AATF: variants seen among roughly 807,000 people sequenced by gnomAD.
The protein encoded by AATF is apoptosis antagonizing transcription factor.
AATF carries 48 observed loss-of-function variants against 63.7 expected under a neutral mutation model. The observed-to-expected ratio is 0.75, with a 90% CI of 0.60 to 0.96. AATF has a LOEUF of 0.96. Ranked by LOEUF, AATF falls within the 40% of genes least tolerant of loss-of-function variation. AATF has a pLI of 0.00. For synonymous variants in AATF, 258 were observed against 247.7 expected, an observed-to-expected ratio of 1.04 and a Z score of -0.39; for missense variants, 639 against 685.7, an observed-to-expected ratio of 0.93 and a Z score of 0.76.
chr17:36,994,135 G>A (rs2071236691), intron 8 of AATF, among the ~76,000 whole-genome samples: 1 of 152,118 alleles, frequency 6.6e-6, no homozygotes, highest in African/African-American at 2.4e-5. Flanking sequence ...GACACCCTGA[G>A]AAGTTAAGTA....
chr17:37,027,693 T>C (rs969511371), intron 10 of AATF, among the ~76,000 whole-genome samples: 50 of 152,228 alleles, frequency 3.3e-4, no homozygotes, highest in Non-Finnish European at 5.6e-4. Flanking sequence ...TTAAGAATTA[T>C]TAGTGATATG....
At chr17:37,017,621 C>T (rs528992261) in intron 8 of AATF, among the ~76,000 whole-genome samples, 1 of 152,276 alleles carries the variant, frequency 6.6e-6, no homozygotes, top group East Asian at 1.9e-4. Flanking sequence ...TTGCTGTTTT[C>T]TAGTGATAAT....
chr17:37,005,254 C>T (rs1439980452), intron 8 of AATF, among the ~76,000 whole-genome samples: 2 of 152,040 alleles, frequency 1.3e-5, no homozygotes, highest in Non-Finnish European at 2.9e-5. Context: ...TGGGTCTGTA[C>T]GACAAAAGGA....
chr17:37,040,352 G>C (rs2071627117), intron 11 of AATF, among the ~76,000 whole-genome samples: 1 of 152,006 alleles, frequency 6.6e-6, no homozygotes, highest in Non-Finnish European at 1.5e-5. Flanking sequence ...TCTGTCCCCT[G>C]TGTCTGATGG....
intron 4 of AATF, among the ~76,000 whole-genome samples, chr17:36,971,451 C>T (rs1294558599): frequency 6.6e-6 from 1 of 152,190 alleles, no homozygotes; most frequent in African/African-American, 2.4e-5. Flanking sequence ...GCAACTGGAG[C>T]TTTCATACAT....
At chr17:36,981,421 G>A (rs1452434346) in intron 4 of AATF, among the ~76,000 whole-genome samples, 1 of 151,352 alleles carries the variant, frequency 6.6e-6, no homozygotes, top group African/African-American at 2.4e-5. Flanking sequence ...CAGACACTTT[G>A]CTCTTCTTGT....
At chr17:36,954,128 C>T (rs993365861) in intron 4 of AATF, among the ~76,000 whole-genome samples, 2 of 141,566 alleles carry the variant, frequency 1.4e-5, no homozygotes, top group African/African-American at 5.4e-5. Context: ...AGTACAGTGG[C>T]GCGATCACAG....
intron 11 of AATF, among the ~76,000 whole-genome samples, chr17:37,049,078 ATT>A (rs773199650): frequency 1.6e-4 from 24 of 152,234 alleles, no homozygotes; most frequent in Middle Eastern, 3.4e-3. Context: ...TAAGGAAGAT[ATT>A]GTCACCATCT....
chr17:37,042,733 CTTTCTTTTTT>C (rs1055820995), intron 11 of AATF, among the ~76,000 whole-genome samples: 3 of 137,334 alleles, frequency 2.2e-5, no homozygotes, highest in African/African-American at 8.4e-5. Context: ...TTAATTTTTT[CTTTCTTTTTT>C]TTTTTTTTTT....
chr17:37,046,730 A>AACACACACACACACACACACACAC (rs58296683), intron 11 of AATF, among the ~76,000 whole-genome samples: 1 of 139,970 alleles, frequency 7.1e-6, no homozygotes, highest in African/African-American at 2.7e-5. Flanking sequence ...GTGCTCCCCC[A>AACACACACACACACACACACACAC]ACACACACAC....
At chr17:36,985,828 C>T (rs1056265240) in intron 4 of AATF, among the ~76,000 whole-genome samples, 9 of 152,096 alleles carry the variant, frequency 5.9e-5, no homozygotes, top group Non-Finnish European at 8.8e-5. Flanking sequence ...GGATTACAGG[C>T]GTGAGCCACA....
At chr17:37,017,253 G>C (rs1388862378) in intron 8 of AATF, among the ~76,000 whole-genome samples, 1 of 152,188 alleles carries the variant, frequency 6.6e-6, no homozygotes, top group Non-Finnish European at 1.5e-5. Context: ...TGGCTGGAAC[G>C]AGGTAAGGGC....
At chr17:37,026,395 T>C (rs756797633) in intron 10 of AATF, among the ~76,000 whole-genome samples, 1 of 152,180 alleles carries the variant, frequency 6.6e-6, no homozygotes, top group Non-Finnish European at 1.5e-5. Context: ...AATCAGAGAG[T>C]AGTCTTTACT....
At chr17:36,996,367 G>A (rs1050011758) in intron 8 of AATF, among the ~76,000 whole-genome samples, 3 of 152,200 alleles carry the variant, frequency 2.0e-5, no homozygotes, top group Non-Finnish European at 2.9e-5. Context: ...CCAGGAGGTC[G>A]AAGCTACGGT....
chr17:37,050,267 CACTT>C (rs1306375418), intron 11 of AATF, among the ~76,000 whole-genome samples: 10 of 152,208 alleles, frequency 6.6e-5, no homozygotes, highest in African/African-American at 2.2e-4. Context: ...GTCTGAGACA[CACTT>C]ACTGCATGTA....
At chr17:37,021,371 G>A (rs1486066380) in intron 10 of AATF, among the ~76,000 whole-genome samples, 1 of 152,176 alleles carries the variant, frequency 6.6e-6, no homozygotes, top group East Asian at 1.9e-4. Flanking sequence ...GCTCACGCCT[G>A]TACTCCCAGT....
At chr17:37,032,984 A>C (rs2071563326) in intron 11 of AATF, among the ~76,000 whole-genome samples, 1 of 152,206 alleles carries the variant, frequency 6.6e-6, no homozygotes, top group Non-Finnish European at 1.5e-5. Flanking sequence ...TTTATCCCTC[A>C]AACTACATAT....
intron 4 of AATF, among the ~76,000 whole-genome samples, chr17:36,959,353 G>A (rs1005914350): frequency 1.3e-5 from 2 of 152,008 alleles, no homozygotes. Context: ...TGAGGTGGGA[G>A]AATTGCTTGA....
chr17:37,040,170 C>G (rs996425726), intron 11 of AATF, among the ~76,000 whole-genome samples: 2 of 152,054 alleles, frequency 1.3e-5, no homozygotes. Context: ...AAGTAACTGG[C>G]AAGTTACTTG....
Sources: allele counts gnomAD v4.1 joint callset (sites outside exome capture counted in the v4.1 genomes callset), GRCh38; gene constraint gnomAD v4.1.1; transcripts MANE v1.5; gene names NCBI Gene and HGNC (gene_info 2026-07-23, HGNC 2026-07-21).